DCX: variants seen among roughly 807,000 people sequenced by gnomAD.
DCX encodes the protein neuronal migration protein doublecortin.
In DCX, 4 loss-of-function variants were observed where a neutral mutation model predicts 20.9. The observed-to-expected ratio is 0.19, with a 90% CI of 0.09 to 0.44. The LOEUF (loss-of-function observed/expected upper bound fraction) is 0.44, where lower values mean the gene tolerates loss of function less well. Among genes scored for constraint, DCX ranks in the 20% least tolerant of loss-of-function variants. The pLI is 0.99. For missense variants in DCX, 133 were observed against 296.9 expected (o/e 0.45, Z 4.06); for synonymous variants, 103 against 111.4 (o/e 0.92, Z 0.47).
intron 3 of DCX, among the ~76,000 whole-genome samples, chrX:111,365,354 T>C (rs1603419430): frequency 9.1e-6 from 1 of 110,335 alleles, no homozygotes; most frequent in Non-Finnish European, 1.9e-5. Context: ...TAAAAAAAAC[T>C]TTGTGGGTAC....
intron 3 of DCX, among the ~76,000 whole-genome samples, chrX:111,391,001 TAA>T (rs56173739): frequency 0.054 from 4,442 of 82,123 alleles, 259 homozygotes; most frequent in African/African-American, 0.17. Flanking sequence ...GATATCCTGC[TAA>T]AAAAAAAAAA....
rs1355488776 is a variant in DCX at position 111,298,050 on chromosome X, T to A, written c.*3637A>T. The A allele has an allele frequency of 1.8e-5, 2 of 111,699 alleles. No homozygotes were observed. The highest frequency in any genetic ancestry group is 9.5e-5 in the Admixed American group (1 of 10,536). The allele number at this position is 111,699 out of a possible 1,213,427, so 9.2% of individuals were successfully genotyped here. A position where few individuals can be genotyped will look rare whatever the true frequency, so the allele number is the denominator to read the frequency against. On this transcript the variant is annotated 3_prime_UTR_variant, in exon 7 of 7. Transcript: ENST00000636035. ...TGAATGGTAGCCACACTAGTTTTTT[T>A]AAAATGTTGAAAAGCCATCTCAGAA...
intron 3 of DCX, among the ~76,000 whole-genome samples, chrX:111,357,558 C>G (rs774837330): frequency 9.0e-6 from 1 of 111,510 alleles, no homozygotes; most frequent in African/African-American, 3.3e-5. Flanking sequence ...TTGGGGGAAT[C>G]ACTTGAGCTC....
chrX:111,410,089 T>C lies in DCX; in HGVS notation c.310A>G (p.Ile104Val), dbSNP rs201870761. ...NINLPQGVRY[I>V]YTIDGSRKIG... Reference sequence around the variant, plus strand: ...TTCCTGGATCCATCAATGGTGTAAATGTAACGCACTCCCTGAGGCAGGTTG... The same window carrying C: ...TTCCTGGATCCATCAATGGTGTAAACGTAACGCACTCCCTGAGGCAGGTTG... Residue 104 changes from isoleucine to valine, a missense_variant, in exon 2 of 7, where the codon ATT (isoleucine) becomes GTT (valine). Physicochemically the swap from Ile to Val is conservative, Grantham distance 29. Transcript: ENST00000636035. The C allele has an allele frequency of 8.3e-7, 1 of 1,210,011 alleles. No homozygotes were observed. Among genetic ancestry groups the C allele is most frequent in the Non-Finnish European group, 1.1e-6 (1 of 895,260 alleles).
chrX:111,354,476 C>A (rs753930957), intron 3 of DCX, among the ~76,000 whole-genome samples: 22 of 112,053 alleles, frequency 2.0e-4, no homozygotes, highest in African/African-American at 7.1e-4. Flanking sequence ...TCTGTCACAA[C>A]CCTCAAAGAG....
At chrX:111,321,639 C>T (rs750692864) in intron 5 of DCX, among the ~76,000 whole-genome samples, 10 of 111,116 alleles carry the variant, frequency 9.0e-5, no homozygotes, top group African/African-American at 2.6e-4. Context: ...GTTTTTGGTG[C>T]GAGTGGCCAA....
chrX:111,333,607 T>G (rs1921460130), intron 3 of DCX, among the ~76,000 whole-genome samples: 1 of 112,065 alleles, frequency 8.9e-6, no homozygotes, highest in Admixed American at 9.5e-5. Context: ...TTCATCTGAA[T>G]GAGTTCTAAA....
intron 3 of DCX, among the ~76,000 whole-genome samples, chrX:111,366,975 C>T (rs1254534144): frequency 9.0e-6 from 1 of 111,669 alleles, no homozygotes; most frequent in Non-Finnish European, 1.9e-5. Flanking sequence ...GTCTCTGTGG[C>T]TCCAAGACCC....
At chrX:111,364,428 C>T (rs748854934) in intron 3 of DCX, among the ~76,000 whole-genome samples, 1 of 112,026 alleles carries the variant, frequency 8.9e-6, no homozygotes, top group South Asian at 3.7e-4. Context: ...ATCCGATTGG[C>T]AAATGTGGAA....
intron 5 of DCX, among the ~76,000 whole-genome samples, chrX:111,324,670 G>A (rs765505614): frequency 8.9e-6 from 1 of 112,036 alleles, no homozygotes; most frequent in Non-Finnish European, 1.9e-5. Flanking sequence ...TAGAACAGTT[G>A]CCTGACACAT....
rs970542660 is a variant in DCX at position 111,329,315 on chromosome X, C to A, written c.946+1589G>T. On this transcript the variant is annotated intron_variant, in intron 5 of 6. Transcript: ENST00000636035. ...AACATTATCTAAATGCTTGATTGGT[C>A]TCTAGCACCATGTTGGGTAAAATAG... Among the ~76,000 whole-genome samples, 7 of 111,662 alleles carry A rather than the reference C, an allele frequency of 6.3e-5. No individual in the cohort carries two copies. The Admixed American group carries it at 6.7e-4, about 11-fold the overall frequency.
chrX:111,404,289 C>A (rs769993291), intron 2 of DCX, among the ~76,000 whole-genome samples: 1 of 111,356 alleles, frequency 9.0e-6, no homozygotes, highest in East Asian at 2.9e-4. Flanking sequence ...TCAAGGGCAA[C>A]CATCTAGGAA....
At position 111,301,453 on chromosome X, in the gene DCX, C is replaced by A; in HGVS notation, c.*234G>T. ...CATTTTGCATCCCTGGAATGCTGCC[C>A]CAAAGGATGGTTATCAATCTATCTC... On this transcript the variant is annotated 3_prime_UTR_variant, in exon 7 of 7. Coordinates refer to ENST00000636035, the MANE Select transcript of DCX (RefSeq NM_001195553.2). 1 of 440,838 alleles carries A rather than the reference C, an allele frequency of 2.3e-6. No individual in the cohort carries two copies. The highest frequency in any genetic ancestry group is 3.9e-5 in the East Asian group (1 of 25,743). 36.3% of individuals were successfully genotyped at this position (440,838 alleles called of 1,213,427 possible).
chrX:111,385,714 A>AAAGC (rs1926375322), intron 3 of DCX, among the ~76,000 whole-genome samples: 2 of 42,425 alleles, frequency 4.7e-5, no homozygotes, highest in Non-Finnish European at 1.3e-4. Flanking sequence ...AGAAAGCAAG[A>AAAGC]AAGCAAGGAA....
Position 111,301,681 on chromosome X carries a change from C to T in DCX, c.*6G>A. On this transcript the variant is annotated 3_prime_UTR_variant, in exon 7 of 7. Coordinates refer to ENST00000636035, the MANE Select transcript of DCX (RefSeq NM_001195553.2). The stretch of plus-strand genomic sequence containing the variant: ...GTACTCTGGACTCTGAGCACTCTCC[C>T]CTCCTTTACATGGAATCACCAAGCG... 1 of 1,210,830 alleles carries T rather than the reference C, an allele frequency of 8.3e-7. No homozygotes were observed. The highest frequency in any genetic ancestry group is 1.8e-5 in the South Asian group (1 of 56,949).
At chrX:111,310,015 C>A (rs2095053846) in intron 6 of DCX, among the ~76,000 whole-genome samples, 1 of 112,352 alleles carries the variant, frequency 8.9e-6, no homozygotes, top group African/African-American at 3.2e-5. Flanking sequence ...ATAATGTTTG[C>A]CTGTGATATT....
At chrX:111,400,430 T>C (rs1367383492) in intron 3 of DCX, among the ~76,000 whole-genome samples, 1 of 111,785 alleles carries the variant, frequency 8.9e-6, no homozygotes, top group Non-Finnish European at 1.9e-5. Context: ...TGGAACCAAA[T>C]TAAGACAGCT....
In DCX at chrX:111,307,020, G is replaced by A. The variant is rs758103649; in HGVS notation, c.1045-5277C>T. On this transcript the variant is annotated intron_variant, in intron 6 of 6. Coordinates refer to ENST00000636035, the MANE Select transcript of DCX (RefSeq NM_001195553.2). ...GTTGGATGAAAAGGGAAGGGGCTGC[G>A]ACTGCTAATGGGTAAGGGGTTTATT... Among the ~76,000 whole-genome samples the A allele has an allele frequency of 2.3e-4, 25 of 110,617 alleles. No homozygotes were observed. The East Asian group carries it at 4.2e-3, about 19-fold the overall frequency.
chrX:111,316,781 C>T (rs1021003633), intron 5 of DCX, among the ~76,000 whole-genome samples: 1 of 111,491 alleles, frequency 9.0e-6, no homozygotes, highest in African/African-American at 3.3e-5. Flanking sequence ...ACACCAACAA[C>T]AGCCAAGCTG....
Sources: allele counts gnomAD v4.1 joint callset (sites outside exome capture counted in the v4.1 genomes callset), GRCh38; gene constraint gnomAD v4.1.1; transcripts MANE v1.5; gene names NCBI Gene and HGNC (gene_info 2026-07-23, HGNC 2026-07-21).